PTPRD: variants seen among roughly 807,000 people sequenced by gnomAD.
The protein encoded by PTPRD is protein tyrosine phosphatase receptor type D.
Under a neutral mutation model 214.5 loss-of-function variants are expected in PTPRD, and 34 were observed. The ratio of observed to expected loss-of-function variants is 0.16; its 90% CI spans 0.12 to 0.21. The LOEUF (loss-of-function observed/expected upper bound fraction) is 0.21. Among genes scored for constraint, PTPRD ranks in the 10% least tolerant of loss-of-function variants. The pLI, the probability that PTPRD is intolerant of heterozygous loss-of-function variation, is 1.00. For missense variants in PTPRD, 2,545 were observed against 2,398.7 expected (o/e 1.06, Z -1.27); for synonymous variants, 1,128 against 845.7 (o/e 1.33, Z -5.79).
At chr9:9,899,648 C>T (rs990425207) in intron 5 of PTPRD, among the ~76,000 whole-genome samples, 3 of 151,308 alleles carry the variant, frequency 2.0e-5, no homozygotes, top group Non-Finnish European at 4.4e-5. Flanking sequence ...GGAGGTTCCT[C>T]AAAAAATTAA....
rs199582208 is a variant in PTPRD, at chr9:9,138,142, C to CTTT, written c.-143+45159_-143+45161dup. Among the ~76,000 whole-genome samples the CTTT allele has an allele frequency of 7.8e-3, 1,174 of 149,778 alleles. 15 individuals are homozygous for CTTT. The highest frequency in any genetic ancestry group is 0.027 in the African/African-American group (1,091 of 40,884). On this transcript the variant is annotated intron_variant, in intron 10 of 45. Transcript: ENST00000381196. ...CCTGTTAAATCAAAGGCAAAGAAAT[C>CTTT]TTTTTTTTTTCTTCTGGAAACACTG...
chr9:8,436,459 T>G (rs555320047), intron 35 of PTPRD, 133 bp downstream of exon 35: 1 of 636,412 alleles, frequency 1.6e-6, no homozygotes, highest in East Asian at 2.8e-5. Flanking sequence ...GACGGTTCAT[T>G]ATACATTTTT....
intron 7 of PTPRD, among the ~76,000 whole-genome samples, chr9:9,697,682 T>A (rs552701209): frequency 3.3e-5 from 5 of 152,300 alleles, no homozygotes; most frequent in African/African-American, 1.2e-4. Flanking sequence ...GGGTGAAATC[T>A]GTTTGGTAAT....
At position 9,195,107 on chromosome 9, in the gene PTPRD, T is replaced by TATATACAC. The variant is rs58832794; in HGVS notation, c.-202-11745_-202-11744insGTGTATAT. ...TTGTGTATATATATATATATATATATACACACACACACATATACATACATA... is the reference window on the plus strand; with the variant it reads ...TTGTGTATATATATATATATATATATATATACACACACACACACACATATACATACATA... On this transcript the variant is annotated intron_variant, in intron 9 of 45. Transcript: ENST00000381196. 8.6e-4 allele frequency among the ~76,000 whole-genome samples: 122 copies of TATATACAC among 141,198 alleles called. 1 individual carries two copies. The highest frequency in any genetic ancestry group is 7.2e-3 in the South Asian group (30 of 4,170). The allele number at this position is 141,198 out of a possible 152,430, so 92.6% of individuals were successfully genotyped here. A position where few individuals can be genotyped will look rare whatever the true frequency, so the allele number is the denominator to read the frequency against.
intron 11 of PTPRD, among the ~76,000 whole-genome samples, chr9:8,746,095 A>AT (rs35333686): frequency 1.6e-3 from 235 of 146,900 alleles, no homozygotes; most frequent in Non-Finnish European, 2.7e-3. Flanking sequence ...TGCCCAATCG[A>AT]TTTTTTTTTT....
intron 12 of PTPRD, among the ~76,000 whole-genome samples, chr9:8,639,990 G>C (rs886136261): frequency 2.2e-4 from 33 of 152,098 alleles, no homozygotes; most frequent in African/African-American, 7.5e-4. Flanking sequence ...CAGTGCAGTG[G>C]CACGATCAAA....
intron 8 of PTPRD, among the ~76,000 whole-genome samples, chr9:9,454,899 T>C (rs1218333159): frequency 1.3e-5 from 2 of 151,532 alleles, no homozygotes; most frequent in Non-Finnish European, 3.0e-5. Context: ...ATTAAATGTA[T>C]GTAATACAAG....
intron 7 of PTPRD, among the ~76,000 whole-genome samples, chr9:9,642,511 A>G (rs1456189127): frequency 1.3e-5 from 2 of 152,108 alleles, no homozygotes; most frequent in African/African-American, 4.8e-5. Context: ...AAAACTTTGT[A>G]ATTTTGAGTT....
chr9:9,968,474 G>C (rs1587712673), intron 4 of PTPRD, among the ~76,000 whole-genome samples: 1 of 152,130 alleles, frequency 6.6e-6, no homozygotes, highest in Non-Finnish European at 1.5e-5. Context: ...ATTCAAATTA[G>C]CTATAAAGAA....
intron 5 of PTPRD, among the ~76,000 whole-genome samples, chr9:9,809,852 C>A (rs2046589245): frequency 6.6e-6 from 1 of 152,020 alleles, no homozygotes; most frequent in Non-Finnish European, 1.5e-5. Context: ...GAGGTTGGAG[C>A]AAAACATTCA....
intron 7 of PTPRD, among the ~76,000 whole-genome samples, chr9:9,581,675 T>A (rs1339156806): frequency 6.6e-6 from 1 of 152,120 alleles, no homozygotes; most frequent in South Asian, 2.1e-4. Context: ...GAGTTTACCT[T>A]ATCAAAATCT....
intron 3 of PTPRD, among the ~76,000 whole-genome samples, chr9:10,076,198 G>A (rs1229156073): frequency 2.0e-5 from 3 of 152,048 alleles, no homozygotes; most frequent in African/African-American, 7.2e-5. Context: ...TGCACTGCCT[G>A]CCGCCTCTAT....
At chr9:9,360,817 TGTGA>T in intron 9 of PTPRD, among the ~76,000 whole-genome samples, 1 of 151,120 alleles carries the variant, frequency 6.6e-6, no homozygotes, top group Admixed American at 6.6e-5. Context: ...AAGTGTATTA[TGTGA>T]GGAAGTGGAT....
chr9:8,848,737 C>T (rs1273610291), intron 11 of PTPRD, among the ~76,000 whole-genome samples: 2 of 151,968 alleles, frequency 1.3e-5, no homozygotes, highest in Non-Finnish European at 2.9e-5. Context: ...GTGAGTGAAA[C>T]AGATAAAAGT....
At chr9:8,771,410 TTAATA>T (rs1271035695) in intron 11 of PTPRD, among the ~76,000 whole-genome samples, 4 of 152,192 alleles carry the variant, frequency 2.6e-5, no homozygotes, top group African/African-American at 9.7e-5. Context: ...GTTTTATTCC[TTAATA>T]TATCTAACAG....
chr9:10,205,367 C>G (rs1034658442), intron 3 of PTPRD, among the ~76,000 whole-genome samples: 1 of 148,062 alleles, frequency 6.8e-6, no homozygotes, highest in Non-Finnish European at 1.5e-5. Flanking sequence ...TCTTCTTCTT[C>G]TTTATTTTAT....
chr9:9,349,486 C>T (rs2050260523), intron 9 of PTPRD, among the ~76,000 whole-genome samples: 1 of 152,056 alleles, frequency 6.6e-6, no homozygotes. Context: ...TATAGAAGTG[C>T]CACCTAATGT....
intron 8 of PTPRD, among the ~76,000 whole-genome samples, chr9:9,536,747 G>C (rs1409799276): frequency 6.6e-6 from 1 of 152,000 alleles, no homozygotes; most frequent in Admixed American, 6.6e-5. Context: ...AAGTGACAGA[G>C]CACAGTGACA....
chr9:8,699,086 C>T (rs1204314569), intron 12 of PTPRD, among the ~76,000 whole-genome samples: 4 of 152,124 alleles, frequency 2.6e-5, no homozygotes, highest in Admixed American at 2.6e-4. Flanking sequence ...AATGCACACT[C>T]TTTTTTCAGA....
Sources: gnomAD v4.1 joint callset for allele counts (sites outside exome capture counted in the v4.1 genomes callset) on GRCh38, gnomAD v4.1.1 for gene constraint, MANE v1.5 for transcripts, NCBI Gene and HGNC (gene_info 2026-07-23, HGNC 2026-07-21) for gene names.